NLE1: variants seen among roughly 807,000 people sequenced by gnomAD.
NLE1 encodes the protein notchless homolog 1.
A neutral mutation model predicts 62.8 loss-of-function variants in NLE1; 37 were observed. The ratio of observed to expected loss-of-function variants is 0.59; its 90% confidence interval spans 0.45 to 0.78. The LOEUF is 0.78. Ranked by LOEUF, NLE1 falls within the 30% of genes least tolerant of loss-of-function variation. The pLI, the probability that NLE1 is intolerant of heterozygous loss-of-function variation, is 0.00. For missense variants in NLE1, 555 were observed against 637.9 expected (o/e 0.87, Z 1.40); for synonymous variants, 243 against 253.0 (o/e 0.96, Z 0.37).
In NLE1 at chr17:35,135,294, G is replaced by A. The variant is rs903522493; in HGVS notation, c.1169C>T (p.Ala390Val). 4 of 1,614,082 alleles carry A rather than the reference G, an allele frequency of 2.5e-6. No individual in the cohort carries two copies. The Admixed American group carries it at 6.7e-5, about 27-fold the overall frequency. Reference sequence around the variant, plus strand: ...CAGCTTGATGGACTTGTCAAAGGAGGCACTAGCCACGATGCGGGAGTCAGG... The same window carrying A: ...CAGCTTGATGGACTTGTCAAAGGAGACACTAGCCACGATGCGGGAGTCAGG... ...FSPDSRIVAS[A>V]SFDKSIKLWD... The change falls in exon 10 of 13, where the codon GCC becomes GTC. Residue 390 changes from alanine (A) to valine (V), a missense_variant. Physicochemically the swap from Ala to Val is moderately conservative, Grantham distance 64. Transcript: ENST00000442241.
intron 10 of NLE1, chr17:35,135,035 C>T (rs572128446): frequency 4.6e-6 from 3 of 652,582 alleles, no homozygotes; most frequent in Non-Finnish European, 8.5e-6. Context: ...CACTTGAACA[C>T]CAGGTGACAG....
Position 35,142,289 on chromosome 17 carries a change from G to C in NLE1, c.-14C>G, listed in dbSNP as rs1216612111. On this transcript the variant is annotated 5_prime_UTR_variant, in exon 1 of 13. Transcript: ENST00000442241. Reference sequence around the variant, plus strand: ...TGCTGCCGCCATCCTGCGTCCCCACGTGGAGGAGAAAGAGCCCGGCAGACA... The same window carrying C: ...TGCTGCCGCCATCCTGCGTCCCCACCTGGAGGAGAAAGAGCCCGGCAGACA... 9.1e-6 allele frequency: 14 copies of C among 1,538,680 alleles called. No homozygotes were observed. Among genetic ancestry groups the C allele is most frequent in the Non-Finnish European group, 1.2e-5 (14 of 1,145,428 alleles).
At chr17:35,137,940 C>A in intron 4 of NLE1, 50 bp from the exon 5 acceptor site, 1 of 1,447,328 alleles carries the variant, frequency 6.9e-7, no homozygotes, top group Non-Finnish European at 9.6e-7. Flanking sequence ...GTCTTTATCC[C>A]AAGTGCCCAG....
At position 35,129,409 on chromosome 17, in the gene NLE1, T is replaced by C; in HGVS notation, c.*3028A>G. 1 of 1,611,636 alleles carries C rather than the reference T, an allele frequency of 6.2e-7. No homozygotes were observed. Among genetic ancestry groups the C allele is most frequent in the Non-Finnish European group, 8.5e-7 (1 of 1,178,018 alleles). On this transcript the variant is annotated 3_prime_UTR_variant, in exon 13 of 13. Transcript: ENST00000442241. ...CATATCTGAGGAAGCCTCGGGGCTC[T>C]CTCTTCCCCTAGATTTCCTGGACCT... is the stretch of plus-strand genomic sequence containing the variant.
In NLE1 at chr17:35,130,518, C is replaced by A. The variant is rs2091870534; in HGVS notation, c.*1919G>T. 1 of 1,405,436 alleles carries A rather than the reference C, an allele frequency of 7.1e-7. No homozygotes were observed. The highest frequency in any genetic ancestry group is 2.3e-5 in the East Asian group (1 of 43,148). The allele number at this position is 1,405,436 out of a possible 1,614,324, so 87.1% of individuals were successfully genotyped here. A position where few individuals can be genotyped will look rare whatever the true frequency, so the allele number is the denominator to read the frequency against. ...AACCAGAGCCATGAGACCTACCATA[C>A]CACCAGCACCCTGCGGGCCCGGGGT... On this transcript the variant is annotated 3_prime_UTR_variant, in exon 13 of 13. Transcript: ENST00000442241.
Position 35,130,372 on chromosome 17 carries a change from G to T in NLE1, c.*2065C>A, listed in dbSNP as rs751094213. On this transcript the variant is annotated 3_prime_UTR_variant, in exon 13 of 13. Coordinates refer to ENST00000442241, the MANE Select transcript of NLE1 (RefSeq NM_018096.5). ...GCGCAAGGAACCCCGGCAAAAGATC[G>T]TGTCCATCGGGCCGGAGGAGATGCG... The T allele has an allele frequency of 1.2e-6, 2 of 1,613,998 alleles. No homozygotes were observed. The highest frequency in any genetic ancestry group is 1.7e-6 in the Non-Finnish European group (2 of 1,180,010).
chr17:35,137,139 G>A lies in NLE1; in HGVS notation c.690C>T (p.Ile230=), dbSNP rs905754383. The A allele has an allele frequency of 6.2e-7, 1 of 1,613,648 alleles. No individual in the cohort carries two copies. The highest frequency in any genetic ancestry group is 8.5e-7 in the Non-Finnish European group (1 of 1,179,706). ...ASSSKDGSVR[I]WDTTAGRCER... is the part of the protein sequence containing the mutation. ...CACAGCGGCCTGCAGTTGTGTCCCA[G>A]ATCCGCACACTGCCATCCTTGGAGC... Residue 230 remains isoleucine, a synonymous_variant, in exon 7 of 13, where the codon ATC becomes ATT. Coordinates refer to ENST00000442241, the MANE Select transcript of NLE1 (RefSeq NM_018096.5).
chr17:35,136,204 T>G lies in NLE1; in HGVS notation c.976A>C (p.Lys326Gln), dbSNP rs1318571720. ...TTGTATCGGCTCAGAGCCCTCTCCT[T>G]CAACTCCTGCACTGTGACCAGGTAC... ...QDLQGSLQEL[K>Q]ERALSRYNLV... Residue 326 changes from lysine (K) to glutamine (Q), a missense_variant, in exon 9 of 13, where the codon AAG becomes CAG. By Grantham distance (53) the Lys-to-Gln change is moderately conservative. Transcript: ENST00000442241. The G allele has an allele frequency of 1.9e-6, 3 of 1,614,112 alleles. No homozygotes were observed. The highest frequency in any genetic ancestry group is 1.7e-6 in the Non-Finnish European group (2 of 1,179,998).
Position 35,130,000 on chromosome 17 carries a change from C to G in NLE1, c.*2437G>C. 1 of 1,378,704 alleles carries G rather than the reference C, an allele frequency of 7.3e-7. No individual in the cohort carries two copies. The highest frequency in any genetic ancestry group is 9.4e-7 in the Non-Finnish European group (1 of 1,067,964). The allele number at this position is 1,378,704 out of a possible 1,614,324, so 85.4% of individuals were successfully genotyped here. On this transcript the variant is annotated 3_prime_UTR_variant, in exon 13 of 13. Transcript: ENST00000442241. ...TGAAAGAAATAGGGAAGACAAGAGG[C>G]TAAAGGGGGACGAAGAAGGGAACAG...
chr17:35,132,657 C>T (rs1439015685), intron 12 of NLE1, among the ~76,000 whole-genome samples: 3 of 152,170 alleles, frequency 2.0e-5, no homozygotes, highest in African/African-American at 4.8e-5. Flanking sequence ...GCCTGGCCCT[C>T]GGGATGCCCA....
At position 35,130,008 on chromosome 17, in the gene NLE1, G is replaced by A; in HGVS notation, c.*2429C>T. On this transcript the variant is annotated 3_prime_UTR_variant, in exon 13 of 13. Transcript: ENST00000442241. ...ATAGGGAAGACAAGAGGCTAAAGGG[G>A]GACGAAGAAGGGAACAGCCTGGGTA... 2 of 1,383,986 alleles carry A rather than the reference G, an allele frequency of 1.4e-6. No homozygotes were observed. The highest frequency in any genetic ancestry group is 1.7e-5 in the South Asian group (1 of 59,376). The allele number at this position is 1,383,986 out of a possible 1,614,324, so 85.7% of individuals were successfully genotyped here. A position where few individuals can be genotyped will look rare whatever the true frequency, so the allele number is the denominator to read the frequency against.
At chr17:35,137,714 T>TTGCCC in intron 5 of NLE1, 74 bp from the exon 6 acceptor site, 21 of 1,212,276 alleles carry the variant, frequency 1.7e-5, no homozygotes, top group Non-Finnish European at 2.2e-5. Flanking sequence ...GCCTACCACT[T>TTGCCC]CCCACCCAAC....
chr17:35,135,492 A>G, intron 9 of NLE1, 41 bp from the exon 10 acceptor site: 1 of 1,593,526 alleles, frequency 6.3e-7, no homozygotes, highest in Non-Finnish European at 8.6e-7. Flanking sequence ...GTGTGGTCTC[A>G]GAAAGAAGGA....
In NLE1 at chr17:35,130,977, G is replaced by A. The variant is rs1400118935; in HGVS notation, c.*1460C>T. 1 of 154,518 alleles carries A rather than the reference G, an allele frequency of 6.5e-6. No individual in the cohort carries two copies. The highest frequency in any genetic ancestry group is 2.4e-5 in the African/African-American group (1 of 41,478). The allele number at this position is 154,518 out of a possible 1,614,324, so 9.6% of individuals were successfully genotyped here. A position where few individuals can be genotyped will look rare whatever the true frequency, so the allele number is the denominator to read the frequency against. On this transcript the variant is annotated 3_prime_UTR_variant, in exon 13 of 13. Coordinates refer to ENST00000442241, the MANE Select transcript of NLE1 (RefSeq NM_018096.5). The stretch of plus-strand genomic sequence containing the variant: ...ATAGCTGTCATGGACAGACGTGGTG[G>A]CCCATGAACTGTCAAACTAGCTTGA...
At chr17:35,139,474 C>A (rs1383693659) in intron 3 of NLE1, among the ~76,000 whole-genome samples, 160 bp from the exon 4 acceptor site, 10 of 152,218 alleles carry the variant, frequency 6.6e-5, no homozygotes, top group Non-Finnish European at 1.5e-4. Flanking sequence ...ATCAGGAGGC[C>A]ATTTCTTTCC....
Position 35,133,348 on chromosome 17 carries a change from G to C in NLE1, c.1365C>G (p.His455Gln). The part of the protein sequence containing the change: ...AQKLAMDLPG[H>Q]ADEVYAVDWS... ...TGAGGGTTGGCCCTACCTCATCCGC[G>C]TGGCCGGGCAGGTCCATGGCCAGCT... The change falls in exon 11 of 13, where the codon CAC (histidine) becomes CAG (glutamine). Residue 455 changes from histidine (H) to glutamine (Q), a missense_variant. Coordinates refer to ENST00000442241, the MANE Select transcript of NLE1 (RefSeq NM_018096.5). 6.2e-7 allele frequency: 1 copy of C among 1,614,142 alleles called. No individual in the cohort carries two copies. Among genetic ancestry groups the C allele is most frequent in the South Asian group, 1.1e-5 (1 of 91,084 alleles).
Position 35,129,927 on chromosome 17 carries a change from T to G in NLE1, c.*2510A>C. 1.4e-6 allele frequency: 2 copies of G among 1,382,568 alleles called. No individual in the cohort carries two copies. The allele number at this position is 1,382,568 out of a possible 1,614,324, so 85.6% of individuals were successfully genotyped here. A position where few individuals can be genotyped will look rare whatever the true frequency, so the allele number is the denominator to read the frequency against. ...TCCAAAGCCATTGGTTTTTAGACTC[T>G]GCAATTCAGTGCCCATGATTGTGAG... On this transcript the variant is annotated 3_prime_UTR_variant, in exon 13 of 13. Transcript: ENST00000442241.
chr17:35,136,062 G>T, intron 9 of NLE1, 107 bp downstream of exon 9: 1 of 1,079,804 alleles, frequency 9.3e-7, no homozygotes, highest in Non-Finnish European at 1.4e-6. Context: ...TTTTGGAATA[G>T]GTACATTCTG....
In NLE1 at chr17:35,139,982, C is replaced by T; in HGVS notation, c.247G>A (p.Glu83Lys). 2 of 1,614,182 alleles carry T rather than the reference C, an allele frequency of 1.2e-6. No individual in the cohort carries two copies. Among genetic ancestry groups the T allele is most frequent in the Middle Eastern group, 1.7e-4 (1 of 6,032 alleles). Residue 83 changes from glutamate (E) to lysine (K), a missense_variant, in exon 3 of 13, where the codon GAG (glutamate) becomes AAG (lysine). Glu to Lys is a moderately conservative substitution (Grantham distance 56). Coordinates refer to ENST00000442241, the MANE Select transcript of NLE1 (RefSeq NM_018096.5). ...LGKTLESQAV[E>K]TEKVLDIIYQ... Reference sequence around the variant, plus strand: ...ATGATGTCTAGGACCTTCTCTGTCTCCACTGCCTGGGACTCCAACGTCTTC... The same window carrying T: ...ATGATGTCTAGGACCTTCTCTGTCTTCACTGCCTGGGACTCCAACGTCTTC...
Sources: allele counts gnomAD v4.1 joint callset (sites outside exome capture counted in the v4.1 genomes callset), GRCh38; gene constraint gnomAD v4.1.1; transcripts MANE v1.5; gene names NCBI Gene and HGNC (gene_info 2026-07-23, HGNC 2026-07-21).